The following GRIN2B variants were observed in gnomAD, a reference collection of about 807,000 sequenced individuals.
The protein encoded by GRIN2B is glutamate ionotropic receptor NMDA type subunit 2B, also known as glutamate receptor ionotropic, NMDA 2B.
GRIN2B carries 5 observed loss-of-function variants against 114.5 expected under a neutral mutation model. That is an observed-to-expected ratio of 0.04 (90% CI 0.02 to 0.09). The LOEUF is 0.09. GRIN2B is among the 10% of genes least tolerant of loss of function. GRIN2B has a pLI of 1.00. For synonymous variants in GRIN2B, 787 were observed against 745.1 expected, an observed-to-expected ratio of 1.06 and a Z score of -0.92; for missense variants, 1,108 against 1,943.5, an observed-to-expected ratio of 0.57 and a Z score of 8.08.
chr12:13,554,558 C>A lies in GRIN2B; in HGVS notation c.*8225G>T, dbSNP rs1948455753. ...ATGGGACACACACATAGTCAAGTAA[C>A]AAGAAATTATTGCTGGCAGACTACG... is the stretch of plus-strand genomic sequence containing the variant. On this transcript the variant is annotated 3_prime_UTR_variant, in exon 14 of 14. Coordinates refer to ENST00000609686, the MANE Select transcript of GRIN2B (RefSeq NM_000834.5). 6.6e-6 allele frequency: 1 copy of A among 152,102 alleles called. No homozygotes were observed. Among genetic ancestry groups the A allele is most frequent in the Admixed American group, 6.5e-5 (1 of 15,270 alleles). 9.4% of individuals were successfully genotyped at this position (152,102 alleles called of 1,614,324 possible).
chr12:13,779,875 C>T (rs1184689759), intron 3 of GRIN2B, among the ~76,000 whole-genome samples: 2 of 152,138 alleles, frequency 1.3e-5, no homozygotes, highest in African/African-American at 4.8e-5. Context: ...ATAGAACACA[C>T]GTCGCAAGAG....
At chr12:13,810,504 T>C (rs949747817) in intron 3 of GRIN2B, among the ~76,000 whole-genome samples, 3 of 152,052 alleles carry the variant, frequency 2.0e-5, no homozygotes, top group Admixed American at 6.6e-5. Flanking sequence ...TTGGGTGTAG[T>C]TTTGTGAATA....
intron 3 of GRIN2B, among the ~76,000 whole-genome samples, chr12:13,811,736 A>G (rs1864734873): frequency 6.6e-6 from 1 of 152,248 alleles, no homozygotes; most frequent in African/African-American, 2.4e-5. Flanking sequence ...CAGGCTTAAT[A>G]TATGAAGCTG....
At position 13,978,889 on chromosome 12, in the gene GRIN2B, C is replaced by G. The variant is rs75541213; in HGVS notation, c.-19+1039G>C. Reference sequence around the variant, plus strand: ...TTCCATTTCTCCTGCTATTTCTCTTCTCAAGTACATTAAAATACTGCCTAA... The same window carrying G: ...TTCCATTTCTCCTGCTATTTCTCTTGTCAAGTACATTAAAATACTGCCTAA... On this transcript the variant is annotated intron_variant, in intron 2 of 13. Coordinates refer to ENST00000609686, the MANE Select transcript of GRIN2B (RefSeq NM_000834.5). 1.2e-4 allele frequency among the ~76,000 whole-genome samples: 19 copies of G among 152,318 alleles called. No individual in the cohort carries two copies. The East Asian group carries it at 3.7e-3, about 29-fold the overall frequency.
intron 3 of GRIN2B, among the ~76,000 whole-genome samples, chr12:13,764,371 T>C (rs963728688): frequency 4.6e-5 from 7 of 152,208 alleles, no homozygotes; most frequent in African/African-American, 1.7e-4. Context: ...GCCCAGGCTG[T>C]GACCTCTTCC....
chr12:13,659,189 T>C (rs770875103), intron 5 of GRIN2B, among the ~76,000 whole-genome samples: 122 of 152,298 alleles, frequency 8.0e-4, no homozygotes, highest in African/African-American at 2.3e-3. Flanking sequence ...AATCCTAAAA[T>C]TGAACCCATG....
chr12:13,843,608 G>A (rs1157880302), intron 3 of GRIN2B, among the ~76,000 whole-genome samples: 1 of 152,178 alleles, frequency 6.6e-6, no homozygotes, highest in African/African-American at 2.4e-5. Flanking sequence ...AAGAACAGCT[G>A]GTAGTTGATA....
At chr12:13,736,019 G>A (rs149760625) in intron 4 of GRIN2B, among the ~76,000 whole-genome samples, 1 of 152,082 alleles carries the variant, frequency 6.6e-6, no homozygotes, top group East Asian at 1.9e-4. Flanking sequence ...ATTGAATGCT[G>A]GGCTTGCTTG....
chr12:13,966,908 A>G (rs1867797881), intron 2 of GRIN2B, among the ~76,000 whole-genome samples: 1 of 152,248 alleles, frequency 6.6e-6, no homozygotes, highest in South Asian at 2.1e-4. Flanking sequence ...AACAAGGGTC[A>G]GAACATAAAC....
intron 3 of GRIN2B, among the ~76,000 whole-genome samples, chr12:13,827,224 G>GTTTTTTTTTT (rs759572450): frequency 2.9e-5 from 1 of 34,504 alleles, no homozygotes. Flanking sequence ...CCTTATTGTT[G>GTTTTTTTTTT]TTTTCTTTTT....
At chr12:13,862,841 ACT>A (rs1202723496) in intron 3 of GRIN2B, among the ~76,000 whole-genome samples, 1 of 151,832 alleles carries the variant, frequency 6.6e-6, no homozygotes, top group Non-Finnish European at 1.5e-5. Context: ...TGCTGCTGGC[ACT>A]CTCTCTCCAG....
At chr12:13,911,297 G>A (rs946906228) in intron 2 of GRIN2B, among the ~76,000 whole-genome samples, 1 of 152,120 alleles carries the variant, frequency 6.6e-6, no homozygotes, top group African/African-American at 2.4e-5. Flanking sequence ...TCAGCCAGAG[G>A]GGACTGTACA....
intron 10 of GRIN2B, among the ~76,000 whole-genome samples, chr12:13,577,573 G>A (rs1248983792): frequency 6.6e-6 from 1 of 152,210 alleles, no homozygotes; most frequent in Non-Finnish European, 1.5e-5. Context: ...AGGGGAGCAA[G>A]TAAGGGAAGT....
chr12:13,823,624 C>T (rs1461316344), intron 3 of GRIN2B, among the ~76,000 whole-genome samples: 1 of 152,008 alleles, frequency 6.6e-6, no homozygotes, highest in African/African-American at 2.4e-5. Context: ...TTTACTCTTT[C>T]CTTTCTCATC....
At chr12:13,961,927 A>G (rs1474740716) in intron 2 of GRIN2B, among the ~76,000 whole-genome samples, 6 of 152,174 alleles carry the variant, frequency 3.9e-5, no homozygotes, top group Non-Finnish European at 7.3e-5. Flanking sequence ...AGCAATTCTC[A>G]GACTTGGCTG....
rs1164895730 is a variant in GRIN2B at position 13,916,275 on chromosome 12, ATTAAG to A, written c.-18-50054_-18-50050del. 5.9e-5 allele frequency among the ~76,000 whole-genome samples: 9 copies of A among 152,350 alleles called. No homozygotes were observed. In the South Asian group the frequency reaches 8.3e-4, roughly 14 times the overall value. On this transcript the variant is annotated intron_variant, in intron 2 of 13. Coordinates refer to ENST00000609686, the MANE Select transcript of GRIN2B (RefSeq NM_000834.5). Reference sequence around the variant, plus strand: ...CAGATTCCAAGAAGCAATAAAGAATATTAAGTTAACTTTCATTTTAAATCAGGAAG... The same window carrying A: ...CAGATTCCAAGAAGCAATAAAGAATATTAACTTTCATTTTAAATCAGGAAG...
At chr12:13,582,654 A>G (rs1234666006) in intron 10 of GRIN2B, among the ~76,000 whole-genome samples, 3 of 151,898 alleles carry the variant, frequency 2.0e-5, no homozygotes, top group Non-Finnish European at 2.9e-5. Context: ...GTATCTTCAC[A>G]GCTCTGGATG....
At chr12:13,808,688 A>G (rs1406518659) in intron 3 of GRIN2B, among the ~76,000 whole-genome samples, 2 of 150,280 alleles carry the variant, frequency 1.3e-5, no homozygotes, top group Non-Finnish European at 3.0e-5. Context: ...GTACATTTAT[A>G]CATATGTAAC....
At chr12:13,696,830 A>G (rs1950263809) in intron 4 of GRIN2B, among the ~76,000 whole-genome samples, 1 of 152,166 alleles carries the variant, frequency 6.6e-6, no homozygotes, top group Non-Finnish European at 1.5e-5. Context: ...CAAAATCAAC[A>G]GATAACTCCA....
Sources: gnomAD v4.1 joint callset for allele counts (sites outside exome capture counted in the v4.1 genomes callset) on GRCh38, gnomAD v4.1.1 for gene constraint, MANE v1.5 for transcripts, NCBI Gene and HGNC (gene_info 2026-07-23, HGNC 2026-07-21) for gene names.